The following KCND2 variants were observed in gnomAD, a reference collection of about 807,000 sequenced individuals.
KCND2 encodes A-type voltage-gated potassium channel KCND2.
A neutral mutation model predicts 54.4 loss-of-function variants in KCND2; 16 were observed. The observed-to-expected ratio is 0.29, with a 90% CI of 0.20 to 0.45. The LOEUF (loss-of-function observed/expected upper bound fraction) is 0.45. KCND2 is among the 20% of genes least tolerant of loss of function. KCND2 has a pLI of 1.00. For synonymous variants in KCND2, 317 were observed against 310.7 expected (o/e 1.02, Z -0.21); for missense variants, 486 against 824.2 (o/e 0.59, Z 5.02).
intron 1 of KCND2, among the ~76,000 whole-genome samples, chr7:120,422,584 A>G (rs1801640836): frequency 1.3e-5 from 2 of 152,320 alleles, no homozygotes; most frequent in South Asian, 4.1e-4. Context: ...TGGGAGAACC[A>G]TAATATCCCC....
intron 1 of KCND2, among the ~76,000 whole-genome samples, chr7:120,500,577 A>C (rs1250138689): frequency 1.3e-5 from 2 of 152,148 alleles, no homozygotes; most frequent in South Asian, 2.1e-4. Flanking sequence ...ATGTTGAAAC[A>C]CTTTAAATAT....
chr7:120,611,558 C>T (rs915635094), intron 1 of KCND2, among the ~76,000 whole-genome samples: 1 of 152,056 alleles, frequency 6.6e-6, no homozygotes, highest in African/African-American at 2.4e-5. Flanking sequence ...GAAAATGGTT[C>T]TTAAAACTCT....
At chr7:120,398,705 A>G (rs1038425899) in intron 1 of KCND2, among the ~76,000 whole-genome samples, 4 of 152,120 alleles carry the variant, frequency 2.6e-5, no homozygotes, top group African/African-American at 9.7e-5. Context: ...TTTTGTGTCT[A>G]CCTTGAATGT....
chr7:120,703,337 G>A (rs544820780), intron 1 of KCND2, among the ~76,000 whole-genome samples: 2 of 152,252 alleles, frequency 1.3e-5, no homozygotes, highest in South Asian at 4.2e-4. Flanking sequence ...TTCATGACAG[G>A]AGTCAGCATT....
chr7:120,732,658 A>G (rs1248011233), intron 1 of KCND2, among the ~76,000 whole-genome samples: 1 of 152,140 alleles, frequency 6.6e-6, no homozygotes, highest in Non-Finnish European at 1.5e-5. Context: ...CTGACTTAAA[A>G]TATTTTCCAA....
chr7:120,587,840 G>GA (rs1199384311), intron 1 of KCND2, among the ~76,000 whole-genome samples: 1 of 151,980 alleles, frequency 6.6e-6, no homozygotes. Context: ...TCAAATGATA[G>GA]AAAAAAATAA....
chr7:120,420,966 A>G (rs1212455124), intron 1 of KCND2, among the ~76,000 whole-genome samples: 2 of 152,216 alleles, frequency 1.3e-5, no homozygotes, highest in Non-Finnish European at 2.9e-5. Flanking sequence ...AATAATAACA[A>G]TATATGTAAC....
At chr7:120,420,020 A>G (rs943001237) in intron 1 of KCND2, among the ~76,000 whole-genome samples, 1 of 151,522 alleles carries the variant, frequency 6.6e-6, no homozygotes. Flanking sequence ...AAAGAAAGAA[A>G]AAAAGAAAAA....
At chr7:120,626,260 A>G (rs1793162579) in intron 1 of KCND2, among the ~76,000 whole-genome samples, 2 of 152,184 alleles carry the variant, frequency 1.3e-5, no homozygotes, top group South Asian at 2.1e-4. Flanking sequence ...AAATAAAAGT[A>G]TTTATTCAAA....
intron 1 of KCND2, among the ~76,000 whole-genome samples, chr7:120,354,913 G>A: frequency 6.6e-6 from 1 of 152,190 alleles, no homozygotes; most frequent in Non-Finnish European, 1.5e-5. Flanking sequence ...GCTTTGATAA[G>A]TATCTAGGTG....
chr7:120,361,472 A>G (rs1800592162), intron 1 of KCND2, among the ~76,000 whole-genome samples: 1 of 151,878 alleles, frequency 6.6e-6, no homozygotes, highest in Non-Finnish European at 1.5e-5. Context: ...TTATCTGCCT[A>G]CATTAAATTT....
chr7:120,339,103 C>T (rs1800199431), intron 1 of KCND2, among the ~76,000 whole-genome samples: 1 of 149,464 alleles, frequency 6.7e-6, no homozygotes, highest in Admixed American at 6.7e-5. Flanking sequence ...ACCGTGTTAG[C>T]TAGGATGGTC....
intron 1 of KCND2, among the ~76,000 whole-genome samples, chr7:120,388,623 G>A (rs1166955148): frequency 1.3e-5 from 2 of 151,882 alleles, no homozygotes; most frequent in Non-Finnish European, 2.9e-5. Flanking sequence ...GGGGCAAATT[G>A]AGAGCCAGAC....
At chr7:120,605,041 T>G (rs1792864009) in intron 1 of KCND2, among the ~76,000 whole-genome samples, 1 of 152,206 alleles carries the variant, frequency 6.6e-6, no homozygotes, top group Admixed American at 6.5e-5. Context: ...AATAATCCAC[T>G]TCAAGATGTT....
chr7:120,435,732 GAT>G (rs112011873), intron 1 of KCND2, among the ~76,000 whole-genome samples: 46 of 148,160 alleles, frequency 3.1e-4, no homozygotes, highest in Non-Finnish European at 3.4e-4. Context: ...CTAACCAGTG[GAT>G]ATATATATAT....
intron 1 of KCND2, among the ~76,000 whole-genome samples, chr7:120,549,755 G>A (rs186888924): frequency 2.7e-4 from 41 of 152,150 alleles, no homozygotes; most frequent in African/African-American, 9.2e-4. Context: ...TTCTCTCACC[G>A]ATTAGATCCC....
intron 1 of KCND2, among the ~76,000 whole-genome samples, chr7:120,687,803 A>G (rs1031096995): frequency 1.3e-5 from 2 of 152,242 alleles, no homozygotes; most frequent in Admixed American, 1.3e-4. Context: ...ATAATGTTAC[A>G]TAAATATATA....
chr7:120,641,964 C>A (rs143203123), intron 1 of KCND2, among the ~76,000 whole-genome samples: 1 of 152,072 alleles, frequency 6.6e-6, no homozygotes, highest in East Asian at 1.9e-4. Context: ...CTAAGAACTT[C>A]TCTGTTCTTA....
At chr7:120,566,859 A>G (rs1562875029) in intron 1 of KCND2, among the ~76,000 whole-genome samples, 1 of 151,954 alleles carries the variant, frequency 6.6e-6, no homozygotes, top group Non-Finnish European at 1.5e-5. Flanking sequence ...CTTTCTTCAT[A>G]TGATTTTGAT....
Sources: gnomAD v4.1 joint callset for allele counts (sites outside exome capture counted in the v4.1 genomes callset) on GRCh38, gnomAD v4.1.1 for gene constraint, MANE v1.5 for transcripts, NCBI Gene and HGNC (gene_info 2026-07-23, HGNC 2026-07-21) for gene names.